The following PUM2 variants were observed in gnomAD, a reference collection of about 807,000 sequenced individuals.
The protein encoded by PUM2 is pumilio RNA binding family member 2.
In PUM2, 57 loss-of-function variants were observed where a neutral mutation model predicts 124.5. The observed-to-expected ratio is 0.46, with a 90% CI of 0.37 to 0.57. The LOEUF (loss-of-function observed/expected upper bound fraction) is 0.57, where lower values mean the gene tolerates loss of function less well. Ranked by LOEUF, PUM2 falls within the 20% of genes least tolerant of loss-of-function variation. PUM2 has a pLI of 0.00. For synonymous variants in PUM2, 460 were observed against 446.1 expected (o/e 1.03, Z -0.39); for missense variants, 1,065 against 1,290.6 (o/e 0.83, Z 2.68).
At chr2:20,265,735 T>C (rs763990577) in intron 13 of PUM2, among the ~76,000 whole-genome samples, 5 of 152,242 alleles carry the variant, frequency 3.3e-5, no homozygotes, top group Non-Finnish European at 7.3e-5. Flanking sequence ...GAGTACTTGC[T>C]CTAAGATCTT....
intron 1 of PUM2, among the ~76,000 whole-genome samples, chr2:20,337,168 C>CA (rs144728036): frequency 0.039 from 5,745 of 146,304 alleles, 216 homozygotes; most frequent in African/African-American, 0.098. Context: ...GCCTAAATGT[C>CA]AAAAAAAAAA....
chr2:20,282,522 A>C (rs536540001), intron 12 of PUM2, among the ~76,000 whole-genome samples: 1 of 152,352 alleles, frequency 6.6e-6, no homozygotes, highest in South Asian at 2.1e-4. Context: ...CCAGCATTTA[A>C]TAAGAATAAA....
chr2:20,293,730 A>T (rs1350505109), intron 9 of PUM2, among the ~76,000 whole-genome samples: 1 of 152,014 alleles, frequency 6.6e-6, no homozygotes, highest in Non-Finnish European at 1.5e-5. Flanking sequence ...TAAAATAAAA[A>T]ATAAAATATA....
chr2:20,281,940 A>T (rs969595559), intron 12 of PUM2, among the ~76,000 whole-genome samples: 4 of 152,342 alleles, frequency 2.6e-5, no homozygotes, highest in Admixed American at 2.6e-4. Context: ...ATTGTTAATA[A>T]TGCCTGGCAT....
intron 13 of PUM2, among the ~76,000 whole-genome samples, chr2:20,271,684 A>T (rs1558515571): frequency 6.6e-6 from 1 of 152,218 alleles, no homozygotes; most frequent in Non-Finnish European, 1.5e-5. Flanking sequence ...ATTTGGATTA[A>T]AGATCAATTG....
chr2:20,344,982 C>CAAA (rs762460030), intron 1 of PUM2, among the ~76,000 whole-genome samples: 2,120 of 65,922 alleles, frequency 0.032, 111 homozygotes, highest in Non-Finnish European at 0.038. Flanking sequence ...GACTCTGTCT[C>CAAA]AAAAAAAAAA....
At chr2:20,349,916 C>G (rs1351380133) in intron 1 of PUM2, among the ~76,000 whole-genome samples, 1 of 152,192 alleles carries the variant, frequency 6.6e-6, no homozygotes, top group Non-Finnish European at 1.5e-5. Context: ...AGAAACAACA[C>G]TAACTTTTAC....
chr2:20,283,336 C>T lies in PUM2; in HGVS notation c.1435+7G>A, dbSNP rs763201533. On this transcript the variant is annotated splice_region_variant and intron_variant, in intron 11 of 20. Transcript: ENST00000361078. ...AATATTATCCTAAAAATGTCAGTTA[C>T]ACTTACCAGCTTGTGCTGCTGCTGA... is the stretch of plus-strand genomic sequence containing the variant. 1 of 1,613,702 alleles carries T rather than the reference C, an allele frequency of 6.2e-7. No homozygotes were observed. Among genetic ancestry groups the T allele is most frequent in the Admixed American group, 1.7e-5 (1 of 59,848 alleles).
intron 3 of PUM2, among the ~76,000 whole-genome samples, chr2:20,315,088 G>A (rs1680568831): frequency 1.4e-5 from 2 of 145,152 alleles, no homozygotes; most frequent in Non-Finnish European, 3.0e-5. Flanking sequence ...TGGTGGGAAG[G>A]TGCAGGGTCT....
chr2:20,336,681 T>TTGTGTGTGTGTGTGTGTGTG (rs113658730), intron 1 of PUM2, among the ~76,000 whole-genome samples: 4 of 131,486 alleles, frequency 3.0e-5, no homozygotes, highest in African/African-American at 1.2e-4. Context: ...CCTGGCTAAT[T>TTGTGTGTGTGTGTGTGTGTG]TGTGTGTGTG....
Position 20,254,012 on chromosome 2 carries a change from T to C in PUM2, c.2873A>G (p.Asn958Ser). ...LALSQHKFAS[N>S]VVEKCVTHAS... ...ATGAGTAACACACTTTTCTACTACA[T>C]TGCTAAAAATTAAAGCAGATAAACA... Residue 958 changes from asparagine (N) to serine (S), a missense_variant and splice_region_variant, in exon 20 of 21, where the codon AAT (asparagine) becomes AGT (serine). Transcript: ENST00000361078. The C allele has an allele frequency of 1.9e-6, 3 of 1,598,436 alleles. No individual in the cohort carries two copies. Among genetic ancestry groups the C allele is most frequent in the Non-Finnish European group, 1.7e-6 (2 of 1,174,896 alleles).
intron 1 of PUM2, among the ~76,000 whole-genome samples, chr2:20,349,914 CACTA>C (rs896520026): frequency 9.9e-5 from 15 of 152,200 alleles, no homozygotes; most frequent in African/African-American, 3.4e-4. Flanking sequence ...TCAGAAACAA[CACTA>C]ACTTTTACAC....
intron 8 of PUM2, among the ~76,000 whole-genome samples, chr2:20,295,417 A>G (rs1360883919): frequency 3.3e-5 from 5 of 152,150 alleles, no homozygotes; most frequent in Admixed American, 2.0e-4. Flanking sequence ...TTCAAAGGGG[A>G]AAAAAGCCCA....
chr2:20,267,722 T>C (rs1245940002), intron 13 of PUM2, among the ~76,000 whole-genome samples: 1 of 152,228 alleles, frequency 6.6e-6, no homozygotes, highest in Non-Finnish European at 1.5e-5. Context: ...TATGGTCCAA[T>C]GGTCCAATGG....
chr2:20,294,051 A>G (rs1674893805), intron 9 of PUM2, among the ~76,000 whole-genome samples: 1 of 152,216 alleles, frequency 6.6e-6, no homozygotes. Context: ...AAATACCTGG[A>G]AAAATATGAA....
In PUM2 at chr2:20,249,451, G is replaced by C. The variant is rs1307354366; in HGVS notation, c.*2134C>G. 2.0e-5 allele frequency: 3 copies of C among 152,666 alleles called. No individual in the cohort carries two copies. The highest frequency in any genetic ancestry group is 4.4e-5 in the Non-Finnish European group (3 of 68,044). 9.5% of individuals were successfully genotyped at this position (152,666 alleles called of 1,614,324 possible). On this transcript the variant is annotated 3_prime_UTR_variant, in exon 21 of 21. Coordinates refer to ENST00000361078, the MANE Select transcript of PUM2 (RefSeq NM_015317.5). ...CTGGGACATGCTGATGACCCAGAGT[G>C]ACTATGAGAAGGAACGGTGACAAGT...
chr2:20,306,485 T>C (rs985219552), intron 7 of PUM2, among the ~76,000 whole-genome samples: 4 of 151,420 alleles, frequency 2.6e-5, no homozygotes, highest in African/African-American at 9.7e-5. Flanking sequence ...AGTACATTTC[T>C]AACATAAGAG....
intron 1 of PUM2, among the ~76,000 whole-genome samples, chr2:20,345,804 G>A (rs181604889): frequency 3.0e-4 from 46 of 152,278 alleles, no homozygotes; most frequent in African/African-American, 9.1e-4. Context: ...CCTGGGAGGC[G>A]GAGGTTGCAG....
rs1272355072 is a variant in PUM2, at chr2:20,345,019, G to A, written c.-19+5578C>T. ...AAAAAAAAAAAGAAAAGAAGATTCCGCTTTACCTCTTGTGGAAAGCTTTTC... is the reference window on the plus strand; with the variant it reads ...AAAAAAAAAAAGAAAAGAAGATTCCACTTTACCTCTTGTGGAAAGCTTTTC... On this transcript the variant is annotated intron_variant, in intron 1 of 20. Coordinates refer to ENST00000361078, the MANE Select transcript of PUM2 (RefSeq NM_015317.5). Among the ~76,000 whole-genome samples the A allele has an allele frequency of 9.0e-5, 13 of 144,908 alleles. No homozygotes were observed. The East Asian group carries it at 1.4e-3, about 16-fold the overall frequency.
Sources: allele counts gnomAD v4.1 joint callset (sites outside exome capture counted in the v4.1 genomes callset), GRCh38; gene constraint gnomAD v4.1.1; transcripts MANE v1.5; gene names NCBI Gene and HGNC (gene_info 2026-07-23, HGNC 2026-07-21).